Variants in FASTKD1 observed in about 807,000 individuals in gnomAD.
The protein encoded by FASTKD1 is FAST kinase domains 1, also known as FAST kinase domain-containing protein 1, mitochondrial.
A neutral mutation model predicts 90.9 loss-of-function variants in FASTKD1; 94 were observed. That is an observed-to-expected ratio of 1.03 (90% CI 0.88 to 1.23). The LOEUF is 1.23. Among genes scored for constraint, FASTKD1 ranks in the 50% most tolerant of loss-of-function variants. The pLI is 0.00. For synonymous variants in FASTKD1, 319 were observed against 345.8 expected, an observed-to-expected ratio of 0.92 and a Z score of 0.86; for missense variants, 945 against 993.5, an observed-to-expected ratio of 0.95 and a Z score of 0.66.
chr2:169,548,731 CAAA>C lies in FASTKD1; in HGVS notation c.1215-2030_1215-2028del, dbSNP rs58560988. Among the ~76,000 whole-genome samples the C allele has an allele frequency of 3.5e-3, 123 of 35,622 alleles. 2 individuals are homozygous for C. The highest frequency in any genetic ancestry group is 0.012 in the African/African-American group (112 of 9,542). 23.4% of individuals were successfully genotyped at this position (35,622 alleles called of 152,430 possible). A position where few individuals can be genotyped will look rare whatever the true frequency, so the allele number is the denominator to read the frequency against. ...TGGGTGACAGAGCAAGACTCCGCCTCAAAAAAAAAAAAAAAAAAAAAAAAACTT... is the reference window on the plus strand; with the variant it reads ...TGGGTGACAGAGCAAGACTCCGCCTCAAAAAAAAAAAAAAAAAAAAAACTT... On this transcript the variant is annotated intron_variant, in intron 7 of 14. Coordinates refer to ENST00000453153, the MANE Select transcript of FASTKD1 (RefSeq NM_024622.6).
At chr2:169,570,513 C>G (rs1326548596) in intron 2 of FASTKD1, among the ~76,000 whole-genome samples, 1 of 152,016 alleles carries the variant, frequency 6.6e-6, no homozygotes, top group African/African-American at 2.4e-5. Flanking sequence ...TCTACAAAAT[C>G]ATTTTATTTC....
At chr2:169,533,977 C>G (rs1195743303) in intron 12 of FASTKD1, among the ~76,000 whole-genome samples, 1 of 151,766 alleles carries the variant, frequency 6.6e-6, no homozygotes, top group Non-Finnish European at 1.5e-5. Context: ...TTAAGACCAG[C>G]CTGTGCAACA....
chr2:169,565,278 T>TG (rs1683914849), intron 3 of FASTKD1, among the ~76,000 whole-genome samples: 1 of 129,054 alleles, frequency 7.7e-6, no homozygotes, highest in Non-Finnish European at 1.6e-5. Flanking sequence ...TTTTTTTTTT[T>TG]TTGAGAGGGA....
intron 7 of FASTKD1, among the ~76,000 whole-genome samples, chr2:169,554,009 G>A (rs1015125768): frequency 2.0e-5 from 3 of 151,824 alleles, no homozygotes; most frequent in Non-Finnish European, 2.9e-5. Context: ...GGAGGCTGAG[G>A]TGGTAGGATT....
intron 4 of FASTKD1, among the ~76,000 whole-genome samples, chr2:169,562,158 T>C (rs891206778): frequency 6.7e-6 from 1 of 149,848 alleles, no homozygotes; most frequent in South Asian, 2.1e-4. Context: ...AAATTAATTA[T>C]TTATTAATTT....
intron 7 of FASTKD1, among the ~76,000 whole-genome samples, chr2:169,552,262 A>G (rs1685520082): frequency 6.6e-6 from 1 of 152,222 alleles, no homozygotes; most frequent in Admixed American, 6.5e-5. Flanking sequence ...AAGCTTTAAC[A>G]TTATCATACG....
chr2:169,561,923 AATT>A (rs1683670994), intron 4 of FASTKD1, among the ~76,000 whole-genome samples: 1 of 140,636 alleles, frequency 7.1e-6, no homozygotes, highest in Non-Finnish European at 1.5e-5. Flanking sequence ...ATTGTAAATC[AATT>A]ATTTGTTAAT....
At chr2:169,551,642 C>A (rs1685495045) in intron 7 of FASTKD1, among the ~76,000 whole-genome samples, 1 of 151,950 alleles carries the variant, frequency 6.6e-6, no homozygotes, top group Non-Finnish European at 1.5e-5. Context: ...ACTAAAAATA[C>A]AAAAAGTAGC....
chr2:169,563,944 G>T (rs896822005), intron 3 of FASTKD1, among the ~76,000 whole-genome samples: 1 of 151,984 alleles, frequency 6.6e-6, no homozygotes, highest in East Asian at 1.9e-4. Flanking sequence ...AAACTATAAG[G>T]GTACATACTA....
Position 169,529,884 on chromosome 2 carries a change from C to A in FASTKD1, c.2485G>T (p.Asp829Tyr), listed in dbSNP as rs1176081448. 1 of 1,613,744 alleles carries A rather than the reference C, an allele frequency of 6.2e-7. No homozygotes were observed. The highest frequency in any genetic ancestry group is 2.2e-5 in the East Asian group (1 of 44,864). ...TCTCTCAGGTAGTCCATCCGAGCAT[C>A]CTTTGTTGACAGTGCCATAGAGTTC... is the stretch of plus-strand genomic sequence containing the variant. ...EWNSMALSTK[D>Y]ARMDYLRECI... Residue 829 changes from aspartate (D) to tyrosine (Y), a missense_variant, in exon 15 of 15, where the codon GAT (aspartate) becomes TAT (tyrosine). Coordinates refer to ENST00000453153, the MANE Select transcript of FASTKD1 (RefSeq NM_024622.6).
chr2:169,547,491 A>G (rs1328428204), intron 7 of FASTKD1, among the ~76,000 whole-genome samples: 1 of 152,182 alleles, frequency 6.6e-6, no homozygotes, highest in Non-Finnish European at 1.5e-5. Flanking sequence ...AACATACCCA[A>G]CATTGTTAAC....
intron 5 of FASTKD1, among the ~76,000 whole-genome samples, 188 bp from the exon 6 acceptor site, chr2:169,557,485 T>C (rs181255204): frequency 2.0e-5 from 3 of 152,306 alleles, no homozygotes; most frequent in African/African-American, 7.2e-5. Context: ...AAAAATATAT[T>C]GTCTTCTTCA....
chr2:169,553,418 G>A (rs1296495020), intron 7 of FASTKD1, among the ~76,000 whole-genome samples: 1 of 151,826 alleles, frequency 6.6e-6, no homozygotes, highest in Non-Finnish European at 1.5e-5. Context: ...GAAACAATAA[G>A]CATCTTATCA....
At chr2:169,545,242 T>C (rs1405481686) in intron 8 of FASTKD1, among the ~76,000 whole-genome samples, 1 of 152,132 alleles carries the variant, frequency 6.6e-6, no homozygotes, top group Non-Finnish European at 1.5e-5. Context: ...AATAAGTAAA[T>C]AAATTCTGTT....
At position 169,531,476 on chromosome 2, in the gene FASTKD1, A is replaced by C. The variant is rs767271816; in HGVS notation, c.2203T>G (p.Leu735Val). ...YYHKVDFECI[L>V]DKRKKPLPYG... ...GGAAGAGGTTTTTTTCTTTTATCCA[A>C]GATACACTCAAAATCTTAAGGAAGC... The change falls in exon 13 of 15, where the codon TTG becomes GTG. Residue 735 changes from leucine (L) to valine (V), a missense_variant. Transcript: ENST00000453153. 2 of 1,605,476 alleles carry C rather than the reference A, an allele frequency of 1.2e-6. No individual in the cohort carries two copies. Among genetic ancestry groups the C allele is most frequent in the South Asian group, 2.2e-5 (2 of 89,416 alleles).
chr2:169,560,891 A>G, intron 4 of FASTKD1, 106 bp from the exon 5 acceptor site: 1 of 931,798 alleles, frequency 1.1e-6, no homozygotes, highest in Non-Finnish European at 1.4e-6. Context: ...CTATGTTGCC[A>G]GGGCTGGTCT....
rs1246713091 is a variant in FASTKD1, at chr2:169,529,943, T to G, written c.2443-17A>C. 3.8e-6 allele frequency: 6 copies of G among 1,562,826 alleles called. No individual in the cohort carries two copies. Among genetic ancestry groups the G allele is most frequent in the Admixed American group, 3.5e-5 (2 of 56,976 alleles). On this transcript the variant is annotated splice_polypyrimidine_tract_variant and intron_variant, in intron 14 of 14. Transcript: ENST00000453153. ...CTGGGAAATCTGAAAATAAGTAATG[T>G]TGTTTGAATGAAAGTTTTAAAGCAA... is the stretch of plus-strand genomic sequence containing the variant.
intron 2 of FASTKD1, among the ~76,000 whole-genome samples, chr2:169,569,465 T>C (rs1684137340): frequency 6.6e-6 from 1 of 152,180 alleles, no homozygotes; most frequent in Non-Finnish European, 1.5e-5. Context: ...CACCCTTTTA[T>C]CTGCTTATTT....
Position 169,529,525 on chromosome 2 carries a change from A to G in FASTKD1, c.*300T>C, listed in dbSNP as rs1684385836. 6.6e-6 allele frequency among the ~76,000 whole-genome samples: 1 copy of G among 152,204 alleles called. No individual in the cohort carries two copies. Among genetic ancestry groups the G allele is most frequent in the South Asian group, 2.1e-4 (1 of 4,820 alleles). ...TTATCTCAACAAGGTAGCCAAAGTAACGCAGTTAAAATGTGAATTCATATC... is the reference window on the plus strand; with the variant it reads ...TTATCTCAACAAGGTAGCCAAAGTAGCGCAGTTAAAATGTGAATTCATATC... On this transcript the variant is annotated 3_prime_UTR_variant, in exon 15 of 15. Transcript: ENST00000453153.
Sources: allele counts gnomAD v4.1 joint callset (sites outside exome capture counted in the v4.1 genomes callset), GRCh38; gene constraint gnomAD v4.1.1; transcripts MANE v1.5; gene names NCBI Gene and HGNC (gene_info 2026-07-23, HGNC 2026-07-21).